Variants in USF3 observed in about 807,000 individuals in gnomAD.
USF3 encodes upstream transcription factor family member 3.
A neutral mutation model predicts 157.5 loss-of-function variants in USF3; 29 were observed. That is an observed-to-expected ratio of 0.18 (90% CI 0.14 to 0.25). USF3 has a LOEUF of 0.25. USF3 is among the 10% of genes least tolerant of loss of function. The pLI, the probability that USF3 is intolerant of heterozygous loss-of-function variation, is 1.00. For synonymous variants in USF3, 893 were observed against 941.4 expected (o/e 0.95, Z 0.94); for missense variants, 2,381 against 2,667.6 (o/e 0.89, Z 2.37).
chr3:113,666,632 C>T lies in USF3; in HGVS notation c.160-2223G>A, dbSNP rs550325702. Among the ~76,000 whole-genome samples the T allele has an allele frequency of 1.7e-4, 23 of 138,692 alleles. No homozygotes were observed. The South Asian group carries it at 2.9e-3, about 18-fold the overall frequency. The allele number at this position is 138,692 out of a possible 152,430, so 91.0% of individuals were successfully genotyped here. A position where few individuals can be genotyped will look rare whatever the true frequency, so the allele number is the denominator to read the frequency against. On this transcript the variant is annotated intron_variant, in intron 5 of 6. Transcript: ENST00000316407. ...TGTCGCCCGGGCTGGAGTGTAGTGG[C>T]GCGATCTCAGCTCACTGCAACCTCC...
chr3:113,670,351 C>T, intron 4 of USF3, 148 bp from the exon 5 acceptor site: 1 of 614,004 alleles, frequency 1.6e-6, no homozygotes, highest in South Asian at 1.9e-5. Flanking sequence ...GCAAACCCAG[C>T]ATTTTGGGAG....
Position 113,657,355 on chromosome 3 carries a change from G to A in USF3, c.4327C>T (p.Gln1443Ter), listed in dbSNP as rs182171997. Reference sequence around the variant, plus strand: ...GATACACCTTGAGCTGGAACATGCTGCTGCAGGGCCTGTAGATGCTGACTT... The same window carrying A: ...GATACACCTTGAGCTGGAACATGCTACTGCAGGGCCTGTAGATGCTGACTT... Reference protein sequence around the residue: ...QASQHLQALQQHVPAQGVSHL... With the variant: ...QASQHLQALQ Residue 1443 changes from glutamine to a stop codon, truncating the protein, a stop_gained, in exon 7 of 7, where the codon CAG becomes TAG. Coordinates refer to ENST00000316407, the MANE Select transcript of USF3 (RefSeq NM_001009899.4). LOFTEE classifies it high-confidence loss of function. 6.2e-7 allele frequency: 1 copy of A among 1,614,172 alleles called. No individual in the cohort carries two copies. The highest frequency in any genetic ancestry group is 8.5e-7 in the Non-Finnish European group (1 of 1,180,028).
In USF3 at chr3:113,659,893, G is replaced by A; in HGVS notation, c.1789C>T (p.Pro597Ser). ...NQNPLPLLPA[P>S]PPGSVRLPIN... ...GGGAGTCGAACAGAACCAGGAGGTG[G>A]AGCAGGGAGGAGTGGCAAAGGATTC... The change falls in exon 7 of 7, where the codon CCA (proline) becomes TCA (serine). Residue 597 changes from proline (P) to serine (S), a missense_variant. Coordinates refer to ENST00000316407, the MANE Select transcript of USF3 (RefSeq NM_001009899.4). The A allele has an allele frequency of 6.2e-7, 1 of 1,614,226 alleles. No individual in the cohort carries two copies. Among genetic ancestry groups the A allele is most frequent in the Non-Finnish European group, 8.5e-7 (1 of 1,180,038 alleles).
Position 113,661,151 on chromosome 3 carries a change from T to C in USF3, c.531A>G (p.Gln177=), listed in dbSNP as rs1013101069. 1 of 1,614,186 alleles carries C rather than the reference T, an allele frequency of 6.2e-7. No individual in the cohort carries two copies. Among genetic ancestry groups the C allele is most frequent in the Non-Finnish European group, 8.5e-7 (1 of 1,180,018 alleles). The change falls in exon 7 of 7, where the codon CAA becomes CAG. Residue 177 remains glutamine, a synonymous_variant. Transcript: ENST00000316407. ...CTGGCACCACATTGGCGGTCTGCTT[T>C]TGTAAATTATGACTAACATTAAAAG... is the stretch of plus-strand genomic sequence containing the variant. The part of the protein sequence containing the change: ...GITFNVSHNL[Q]KQTANVVPVQ...
intron 1 of USF3, among the ~76,000 whole-genome samples, chr3:113,677,943 C>T (rs1223204719): frequency 6.6e-6 from 1 of 151,922 alleles, no homozygotes; most frequent in Non-Finnish European, 1.5e-5. Context: ...TGGGTAGGGC[C>T]CAGGAATTTG....
chr3:113,655,957 G>C lies in USF3; in HGVS notation c.5725C>G (p.Arg1909Gly). The change falls in exon 7 of 7, where the codon CGA (arginine) becomes GGA (glycine). Residue 1909 changes from arginine (R) to glycine (G), a missense_variant. Physicochemically the swap from Arg to Gly is moderately radical, Grantham distance 125 (BLOSUM62 -2). Coordinates refer to ENST00000316407, the MANE Select transcript of USF3 (RefSeq NM_001009899.4). ...ACAGAAACATTGGGGCTTGTGTTTC[G>C]ACCTTGAATATCTCCTGAGGAAGAG... is the stretch of plus-strand genomic sequence containing the variant. ...SSSSSGDIQGRNTSPNVSVQK... is the reference protein window; with the variant it reads ...SSSSSGDIQGGNTSPNVSVQK... The C allele has an allele frequency of 6.2e-7, 1 of 1,614,084 alleles. No homozygotes were observed. The highest frequency in any genetic ancestry group is 8.5e-7 in the Non-Finnish European group (1 of 1,180,002).
In USF3 at chr3:113,655,505, T is replaced by C. The variant is rs779710277; in HGVS notation, c.6177A>G (p.Leu2059=). 6.8e-6 allele frequency: 11 copies of C among 1,614,138 alleles called. No homozygotes were observed. The highest frequency in any genetic ancestry group is 7.6e-6 in the Non-Finnish European group (9 of 1,179,990). ...NDNSGPDQHT[L]SQNFGFSFIP... is the part of the protein sequence containing the mutation. Reference sequence around the variant, plus strand: ...TAAAAGAAAAACCAAAATTTTGTGATAGTGTATGCTGGTCAGGACCTGAAT... The same window carrying C: ...TAAAAGAAAAACCAAAATTTTGTGACAGTGTATGCTGGTCAGGACCTGAAT... The change falls in exon 7 of 7, where the codon CTA becomes CTG. Residue 2059 remains leucine (L), a synonymous_variant. Transcript: ENST00000316407.
chr3:113,660,241 T>A lies in USF3; in HGVS notation c.1441A>T (p.Asn481Tyr), dbSNP rs1193375206. ...TGCCCATCTGCTGGAAAGGAATTAT[T>A]CAAGTTGATGTCTGTAGCCACATAT... The part of the protein sequence containing the change: ...SRYVATDINL[N>Y]NSFPADGQPV... Residue 481 changes from asparagine (N) to tyrosine (Y), a missense_variant, in exon 7 of 7, where the codon AAT (asparagine) becomes TAT (tyrosine). Physicochemically the swap from Asn to Tyr is moderately radical, Grantham distance 143 (BLOSUM62 -2). Coordinates refer to ENST00000316407, the MANE Select transcript of USF3 (RefSeq NM_001009899.4). 1 of 1,614,186 alleles carries A rather than the reference T, an allele frequency of 6.2e-7. No homozygotes were observed. The highest frequency in any genetic ancestry group is 1.1e-5 in the South Asian group (1 of 91,084).
At chr3:113,692,540 T>C (rs933748702) in intron 1 of USF3, among the ~76,000 whole-genome samples, 2 of 152,352 alleles carry the variant, frequency 1.3e-5, no homozygotes, top group South Asian at 2.1e-4. Context: ...AGATTTTACA[T>C]ACTTATGTTT....
In USF3 at chr3:113,654,886, G is replaced by C. The variant is rs1947324647; in HGVS notation, c.*58C>G. 3.3e-6 allele frequency: 5 copies of C among 1,529,732 alleles called. No homozygotes were observed. In the South Asian group the frequency reaches 6.3e-5, roughly 19 times the overall value. 94.8% of individuals were successfully genotyped at this position (1,529,732 alleles called of 1,614,324 possible). A position where few individuals can be genotyped will look rare whatever the true frequency, so the allele number is the denominator to read the frequency against. ...TCTTCATGTACATGTCTGTGCACAT[G>C]CACGCACAAATACATTTGTAATCTC... On this transcript the variant is annotated 3_prime_UTR_variant, in exon 7 of 7. Coordinates refer to ENST00000316407, the MANE Select transcript of USF3 (RefSeq NM_001009899.4).
intron 1 of USF3, among the ~76,000 whole-genome samples, chr3:113,691,481 C>T (rs1707682556): frequency 1.3e-5 from 2 of 152,202 alleles, no homozygotes; most frequent in South Asian, 4.1e-4. Context: ...GGCCTTCTGA[C>T]AATAATATCC....
intron 3 of USF3, among the ~76,000 whole-genome samples, chr3:113,674,392 G>A (rs1289961957): frequency 6.6e-6 from 1 of 151,922 alleles, no homozygotes; most frequent in Non-Finnish European, 1.5e-5. Context: ...ACCCAGGCTG[G>A]AGTGCAGTGG....
intron 1 of USF3, among the ~76,000 whole-genome samples, chr3:113,690,004 A>G (rs1238678631): frequency 6.6e-6 from 1 of 152,212 alleles, no homozygotes; most frequent in Non-Finnish European, 1.5e-5. Context: ...TTTGTAAGAA[A>G]GCTACCTTTC....
intron 1 of USF3, among the ~76,000 whole-genome samples, chr3:113,695,688 G>A (rs1707782289): frequency 6.6e-6 from 1 of 152,202 alleles, no homozygotes; most frequent in African/African-American, 2.4e-5. Context: ...ATGTAACGAG[G>A]AGGGTTGGGA....
rs201752606 is a variant in USF3 at position 113,666,745 on chromosome 3, GTTGTTTT to G, written c.160-2343_160-2337del. On this transcript the variant is annotated intron_variant, in intron 5 of 6. Transcript: ENST00000316407. ...CATGCCGGGCTAATTTGTTGTTGTT[GTTGTTTT>G]TTGTTTTTTGTTTTTTTAGTAGAGA... 1.4e-3 allele frequency among the ~76,000 whole-genome samples: 215 copies of G among 151,278 alleles called. 4 individuals are homozygous for G. In the East Asian group the frequency reaches 0.032, roughly 22 times the overall value.
Position 113,674,875 on chromosome 3 carries a change from G to T in USF3, c.4C>A (p.Pro2Thr). The stretch of plus-strand genomic sequence containing the variant: ...GGCGTCTCATTCTCTGTCATTTCTG[G>T]CATGGTTACAGTAATAGGAACCTAC... M[P>T]EMTENETPTK... Residue 2 changes from proline (P) to threonine (T), a missense_variant, in exon 3 of 7, where the codon CCA (proline) becomes ACA (threonine). By Grantham distance (38) the Pro-to-Thr change is conservative. This residue lies in a region of USF3 where 105 missense variants were observed against 158.6 expected (regional missense o/e 0.66). Transcript: ENST00000316407. 1 of 1,612,202 alleles carries T rather than the reference G, an allele frequency of 6.2e-7. No individual in the cohort carries two copies. Among genetic ancestry groups the T allele is most frequent in the African/African-American group, 1.3e-5 (1 of 74,952 alleles).
At chr3:113,678,658 T>G (rs1707337858) in intron 1 of USF3, among the ~76,000 whole-genome samples, 1 of 152,180 alleles carries the variant, frequency 6.6e-6, no homozygotes, top group Non-Finnish European at 1.5e-5. Context: ...AATAATTAGC[T>G]TATTAATAAA....
rs1246433180 is a variant in USF3 at position 113,657,155 on chromosome 3, G to A, written c.4527C>T (p.Val1509=). ...CCTGTTGCAGAGTCCTCTGTTGGTG[G>A]ACATTATGGGGCTGAGAGTGGACAG... ...ESSVHSQPHN[V]HQQRTLQQEV... Residue 1509 remains valine, a synonymous_variant, in exon 7 of 7, where the codon GTC becomes GTT. Transcript: ENST00000316407. The A allele has an allele frequency of 1.9e-6, 3 of 1,614,110 alleles. No homozygotes were observed. Among genetic ancestry groups the A allele is most frequent in the Non-Finnish European group, 2.5e-6 (3 of 1,180,010 alleles).
Position 113,687,525 on chromosome 3 carries a change from AC to A in USF3, c.-135+8844del, listed in dbSNP as rs1707585521. ...TTAACCCATGTACAGACACAGATCT[AC>A]ATTTGCCTCTGTATCTATCTGTATT... On this transcript the variant is annotated intron_variant, in intron 1 of 6. Transcript: ENST00000316407. Among the ~76,000 whole-genome samples the A allele has an allele frequency of 2.0e-5, 3 of 152,352 alleles. No individual in the cohort carries two copies. The South Asian group carries it at 6.2e-4, about 32-fold the overall frequency.
Sources: allele counts gnomAD v4.1 joint callset (sites outside exome capture counted in the v4.1 genomes callset), GRCh38; gene constraint gnomAD v4.1.1; regional missense constraint gnomAD v4.1.1; transcripts MANE v1.5; gene names NCBI Gene and HGNC (gene_info 2026-07-23, HGNC 2026-07-21).